CCDC171: variants seen among roughly 807,000 people sequenced by gnomAD.
CCDC171 encodes the protein coiled-coil domain-containing protein 171.
A neutral mutation model predicts 168.2 loss-of-function variants in CCDC171; 177 were observed. That is an observed-to-expected ratio of 1.05 (90% CI 0.93 to 1.19). The LOEUF (loss-of-function observed/expected upper bound fraction) is 1.19, where lower values mean the gene tolerates loss of function less well. Among genes scored for constraint, CCDC171 ranks in the 50% most tolerant of loss-of-function variants. The pLI is 0.00. For synonymous variants in CCDC171, 687 were observed against 540.8 expected (o/e 1.27, Z -3.75); for missense variants, 1,991 against 1,539.0 (o/e 1.29, Z -4.91).
At chr9:15,939,598 G>A (rs1260725263) in intron 25 of CCDC171, among the ~76,000 whole-genome samples, 1 of 151,870 alleles carries the variant, frequency 6.6e-6, no homozygotes, top group African/African-American at 2.4e-5. Context: ...TCACAGTCTT[G>A]TTTATCTCTA....
At chr9:16,087,557 CTTTTT>C in the CCDC171 span, among the ~76,000 whole-genome samples, 16 of 78,784 alleles carry the variant, frequency 2.0e-4, no homozygotes, top group East Asian at 1.9e-3. Flanking sequence ...GCAACTCCTG[CTTTTT>C]TTTTTTTTTT....
At chr9:15,974,316 A>G (rs1831557464), downstream of CCDC171, among the ~76,000 whole-genome samples, 1 of 152,202 alleles carries the variant, frequency 6.6e-6, no homozygotes, top group African/African-American at 2.4e-5. Flanking sequence ...GAGAAACTCT[A>G]GACTGCTTCT....
At chr9:16,038,460 A>C (rs1833512235), upstream of CCDC171, among the ~76,000 whole-genome samples, 1 of 152,288 alleles carries the variant, frequency 6.6e-6, no homozygotes, top group African/African-American at 2.4e-5. Context: ...GAAGATTGAT[A>C]GGTAAGTAGA....
At chr9:15,675,128 C>G (rs141493391) in intron 9 of CCDC171, among the ~76,000 whole-genome samples, 3 of 148,306 alleles carry the variant, frequency 2.0e-5, no homozygotes, top group Admixed American at 6.8e-5. Context: ...CCTTCTTTGT[C>G]TCTTTTGATC....
chr9:15,574,740 G>A (rs954786780), intron 3 of CCDC171, among the ~76,000 whole-genome samples: 3 of 152,180 alleles, frequency 2.0e-5, no homozygotes, highest in Non-Finnish European at 4.4e-5. Context: ...TTCCTAATGC[G>A]AACACAAATG....
intron 4 of CCDC171, among the ~76,000 whole-genome samples, chr9:15,583,208 A>G (rs10962086): frequency 0.01 from 1,530 of 152,158 alleles, 14 homozygotes; most frequent in Non-Finnish European, 0.016. Flanking sequence ...CCAGGTCAAG[A>G]GATTGAGACC....
At chr9:15,580,289 C>G (rs190020490) in intron 4 of CCDC171, among the ~76,000 whole-genome samples, 2 of 152,258 alleles carry the variant, frequency 1.3e-5, no homozygotes, top group Admixed American at 6.5e-5. Flanking sequence ...AAAAACTATT[C>G]TAGACATTGG....
intron 7 of CCDC171, among the ~76,000 whole-genome samples, chr9:15,638,021 T>A (rs1349979935): frequency 6.6e-6 from 1 of 152,120 alleles, no homozygotes; most frequent in Non-Finnish European, 1.5e-5. Context: ...TATTTCTAGT[T>A]CTAGATCCCT....
chr9:15,953,172 T>C (rs1829403681), intron 25 of CCDC171, among the ~76,000 whole-genome samples: 1 of 152,088 alleles, frequency 6.6e-6, no homozygotes, highest in African/African-American at 2.4e-5. Flanking sequence ...TGCCTTTTCT[T>C]TTTCTTGCCT....
chr9:15,635,647 C>T (rs935731057), intron 7 of CCDC171, among the ~76,000 whole-genome samples: 4 of 152,184 alleles, frequency 2.6e-5, no homozygotes, highest in Admixed American at 2.0e-4. Flanking sequence ...CACAGACACA[C>T]CTAGGAACAT....
chr9:16,058,974 T>C (rs934422906), intron 1 of CCDC171, among the ~76,000 whole-genome samples: 4 of 152,210 alleles, frequency 2.6e-5, no homozygotes, highest in Non-Finnish European at 5.9e-5. Flanking sequence ...CTGTGGGTTT[T>C]CCCACAATGC....
intron 23 of CCDC171, among the ~76,000 whole-genome samples, chr9:15,854,467 G>C (rs553497820): frequency 6.6e-6 from 1 of 151,554 alleles, no homozygotes; most frequent in Admixed American, 6.6e-5. Flanking sequence ...TAGTAATTTA[G>C]TAACTTTTCT....
chr9:15,915,047 G>A (rs952927868), intron 24 of CCDC171, among the ~76,000 whole-genome samples: 1 of 152,090 alleles, frequency 6.6e-6, no homozygotes, highest in Admixed American at 6.5e-5. Flanking sequence ...CCCACCTTCT[G>A]CATTGGTCTT....
exon 4 of CCDC171, chr9:16,020,694 C>G (rs1017217668): frequency 3.9e-5 from 6 of 154,358 alleles, no homozygotes; most frequent in African/African-American, 1.4e-4. Context: ...GACACACAGG[C>G]AGGGAGCTTA....
intron 24 of CCDC171, chr9:15,886,188 G>A (rs1460124977): frequency 1.3e-5 from 2 of 152,088 alleles, no homozygotes; most frequent in African/African-American, 4.8e-5. Context: ...CAACAAAATG[G>A]AAAGGCAACT....
intron 3 of CCDC171, among the ~76,000 whole-genome samples, chr9:15,573,367 C>T (rs1256688489): frequency 6.6e-6 from 1 of 152,142 alleles, no homozygotes; most frequent in African/African-American, 2.4e-5. Flanking sequence ...CCACTGCCTC[C>T]AGGTTCAAGT....
At chr9:15,954,889 G>A (rs1408347834) in intron 25 of CCDC171, among the ~76,000 whole-genome samples, 1 of 151,928 alleles carries the variant, frequency 6.6e-6, no homozygotes, top group African/African-American at 2.4e-5. Context: ...GACAGTTGTT[G>A]TAATGTCTTT....
At chr9:15,908,379 A>G (rs913881445) in intron 24 of CCDC171, among the ~76,000 whole-genome samples, 1 of 152,186 alleles carries the variant, frequency 6.6e-6, no homozygotes, top group South Asian at 2.1e-4. Context: ...GCTGGAAACC[A>G]TCATTCTCAG....
At chr9:15,978,964 A>G (rs1589292063), downstream of CCDC171, among the ~76,000 whole-genome samples, 1 of 152,110 alleles carries the variant, frequency 6.6e-6, no homozygotes, top group Admixed American at 6.6e-5. Flanking sequence ...CTATTTTTGT[A>G]TATATCATGT....
Sources: gnomAD v4.1 joint callset for allele counts (sites outside exome capture counted in the v4.1 genomes callset) on GRCh38, gnomAD v4.1.1 for gene constraint, MANE v1.5 for transcripts, NCBI Gene and HGNC (gene_info 2026-07-23, HGNC 2026-07-21) for gene names.